Variants in NPL observed in about 807,000 individuals in gnomAD.
NPL encodes the protein N-acetylneuraminate lyase.
NPL carries 32 observed loss-of-function variants against 41.1 expected under a neutral mutation model. That is an observed-to-expected ratio of 0.78 (90% confidence interval 0.59 to 1.05). The LOEUF (loss-of-function observed/expected upper bound fraction) is 1.05, where lower values mean the gene tolerates loss of function less well. Among genes scored for constraint, NPL ranks in the 50% least tolerant of loss-of-function variants. The probability of loss-of-function intolerance (pLI) is 0.00; values close to 1 mark genes in which losing one functional copy is unlikely to be tolerated. For synonymous variants in NPL, 128 were observed against 134.9 expected (o/e 0.95, Z 0.35); for missense variants, 321 against 378.4 (o/e 0.85, Z 1.26).
chr1:182,799,781 G>A (rs908180431), intron 3 of NPL, among the ~76,000 whole-genome samples: 4 of 143,180 alleles, frequency 2.8e-5, no homozygotes, highest in South Asian at 4.6e-4. Context: ...TAAACCCAAC[G>A]CAAAGAATCT....
intron 3 of NPL, among the ~76,000 whole-genome samples, chr1:182,801,572 G>A (rs1571429732): frequency 6.6e-6 from 1 of 152,278 alleles, no homozygotes; most frequent in African/African-American, 2.4e-5. Flanking sequence ...TGGAGGGGTC[G>A]GGCTCAGTGG....
intron 5 of NPL, among the ~76,000 whole-genome samples, chr1:182,811,659 C>T (rs1184830467): frequency 6.6e-6 from 1 of 152,140 alleles, no homozygotes; most frequent in Non-Finnish European, 1.5e-5. Flanking sequence ...CTTTGTGATC[C>T]TCTGCCTCTA....
chr1:182,807,598 CG>C (rs776425932), intron 5 of NPL, among the ~76,000 whole-genome samples: 35 of 151,334 alleles, frequency 2.3e-4, no homozygotes, highest in Middle Eastern at 6.8e-3. Flanking sequence ...CAGTACTGGC[CG>C]GGCATGGTGG....
At chr1:182,797,186 C>T (rs914944188) in intron 3 of NPL, among the ~76,000 whole-genome samples, 6 of 152,126 alleles carry the variant, frequency 3.9e-5, no homozygotes, top group Non-Finnish European at 7.3e-5. Flanking sequence ...TATAAAGTAC[C>T]TATAATTCCA....
At chr1:182,821,967 A>T (rs1667498139) in intron 10 of NPL, 148 bp from the exon 11 acceptor site, 2 of 692,628 alleles carry the variant, frequency 2.9e-6, no homozygotes, top group Non-Finnish European at 5.3e-6. Context: ...AACTGAAGAC[A>T]GTCTTGTCCC....
chr1:182,797,844 T>C (rs1018178562), intron 3 of NPL, among the ~76,000 whole-genome samples: 5 of 152,262 alleles, frequency 3.3e-5, no homozygotes, highest in Admixed American at 6.5e-5. Context: ...GTTCAATAGA[T>C]ATTGAATGCC....
intron 3 of NPL, among the ~76,000 whole-genome samples, chr1:182,798,394 A>G (rs1413274132): frequency 6.6e-6 from 1 of 151,856 alleles, no homozygotes; most frequent in Non-Finnish European, 1.5e-5. Context: ...TGCCCGGCTA[A>G]TTTTTGTGTT....
intron 3 of NPL, among the ~76,000 whole-genome samples, chr1:182,798,623 G>A (rs1367997084): frequency 2.6e-5 from 4 of 152,232 alleles, no homozygotes; most frequent in African/African-American, 7.2e-5. Flanking sequence ...CTAAAATGTC[G>A]AGAAAAAAGT....
At chr1:182,824,060 A>T (rs1235539446) in intron 11 of NPL, among the ~76,000 whole-genome samples, 1 of 152,240 alleles carries the variant, frequency 6.6e-6, no homozygotes, top group East Asian at 1.9e-4. Context: ...AATTTATCTC[A>T]TTCACTTTAA....
rs1360970993 is a variant in NPL, at chr1:182,829,108, C to CA, written c.*201dup. On this transcript the variant is annotated 3_prime_UTR_variant, in exon 13 of 13. Transcript: ENST00000367553. ...CAAAAACTCTAGGAGTCACAACTCT[C>CA]AGTCATTCATTTCACAGATTTTTTT... The CA allele has an allele frequency of 1.4e-6, 2 of 1,396,724 alleles. No individual in the cohort carries two copies. Among genetic ancestry groups the CA allele is most frequent in the Non-Finnish European group, 9.3e-7 (1 of 1,080,816 alleles). 86.5% of individuals were successfully genotyped at this position (1,396,724 alleles called of 1,614,324 possible).
chr1:182,806,352 TG>T (rs1188770038), intron 5 of NPL, 120 bp downstream of exon 5: 1 of 1,556,338 alleles, frequency 6.4e-7, no homozygotes, highest in Non-Finnish European at 8.7e-7. Flanking sequence ...GGTCAGCTGG[TG>T]GGAAGATGAG....
At chr1:182,810,782 C>T (rs1467823916) in intron 5 of NPL, among the ~76,000 whole-genome samples, 1 of 151,882 alleles carries the variant, frequency 6.6e-6, no homozygotes, top group Non-Finnish European at 1.5e-5. Flanking sequence ...TGTCATGTAC[C>T]ATGCTGTGTT....
chr1:182,817,149 T>C (rs541918889), intron 8 of NPL, among the ~76,000 whole-genome samples: 1 of 152,280 alleles, frequency 6.6e-6, no homozygotes, highest in South Asian at 2.1e-4. Context: ...CTTGAACCTG[T>C]TGTATTCTTA....
rs758395957 is a variant in NPL at position 182,825,832 on chromosome 1, C to G, written c.778+12C>G. ...TGTTGTCAAACTAGGTAAGTGCCAC[C>G]CATCTTCTGCTTTGTCTGCTGCTGG... On this transcript the variant is annotated intron_variant, in intron 12 of 12. Coordinates refer to ENST00000367553, the MANE Select transcript of NPL (RefSeq NM_030769.3). The G allele has an allele frequency of 6.3e-6, 10 of 1,595,298 alleles. No homozygotes were observed. In the South Asian group the frequency reaches 1.1e-4, roughly 18 times the overall value.
chr1:182,803,814 T>A lies in NPL; in HGVS notation c.142+43T>A, dbSNP rs752227394. The A allele has an allele frequency of 2.2e-6, 3 of 1,348,010 alleles. No individual in the cohort carries two copies. The Admixed American group carries it at 5.0e-5, about 23-fold the overall frequency. 83.5% of individuals were successfully genotyped at this position (1,348,010 alleles called of 1,614,324 possible). On this transcript the variant is annotated intron_variant, in intron 4 of 12. Coordinates refer to ENST00000367553, the MANE Select transcript of NPL (RefSeq NM_030769.3). ...ATGTCGCTGCATGTCTCCAGCTCAGTCTTTAGAAGGTATATCTTACCTGGT... is the reference window on the plus strand; with the variant it reads ...ATGTCGCTGCATGTCTCCAGCTCAGACTTTAGAAGGTATATCTTACCTGGT...
At chr1:182,808,611 G>C (rs373552378) in intron 5 of NPL, among the ~76,000 whole-genome samples, 1 of 152,128 alleles carries the variant, frequency 6.6e-6, no homozygotes, top group African/African-American at 2.4e-5. Flanking sequence ...GCGTGTTTCT[G>C]TGCTGAAAGG....
In NPL at chr1:182,805,096, A is replaced by G. The variant is rs181225324; in HGVS notation, c.143-1049A>G. Among the ~76,000 whole-genome samples the G allele has an allele frequency of 2.0e-5, 3 of 152,342 alleles. No individual in the cohort carries two copies. In the East Asian group the frequency reaches 5.8e-4, roughly 29 times the overall value. ...CATATGCATGAGACCTCAGTAATGT[A>G]TCCTACTGCCATAGGCATCTTTCTG... On this transcript the variant is annotated intron_variant, in intron 4 of 12. Transcript: ENST00000367553.
rs1235715133 is a variant in NPL, at chr1:182,828,333, C to G, written c.779-391C>G. ...AAGCTTAAACTAAATTTCATGCTGG[C>G]AATAAAGTCCTACCTCCTTTGATCA... On this transcript the variant is annotated intron_variant, in intron 12 of 12. Transcript: ENST00000367553. This position sits in a 1 kb window ranked among gnomAD's most constrained non-coding sequence, Gnocchi z 4.0. Among the ~76,000 whole-genome samples, 2 of 152,180 alleles carry G rather than the reference C, an allele frequency of 1.3e-5. No homozygotes were observed. Among genetic ancestry groups the G allele is most frequent in the African/African-American group, 4.8e-5 (2 of 41,436 alleles).
At chr1:182,823,238 G>T (rs1667537953) in intron 11 of NPL, among the ~76,000 whole-genome samples, 1 of 152,186 alleles carries the variant, frequency 6.6e-6, no homozygotes, top group East Asian at 1.9e-4. Flanking sequence ...TCCTAATAAA[G>T]CTTGGCTGTG....
Sources: allele counts gnomAD v4.1 joint callset (sites outside exome capture counted in the v4.1 genomes callset), GRCh38; gene constraint gnomAD v4.1.1; non-coding constraint Gnocchi (gnomAD v3.1); transcripts MANE v1.5; gene names NCBI Gene and HGNC (gene_info 2026-07-23, HGNC 2026-07-21).